The following MYPN variants were observed in gnomAD, a reference collection of about 807,000 sequenced individuals.
MYPN encodes myopalladin.
In MYPN, 63 loss-of-function variants were observed where a neutral mutation model predicts 129.4. That is an observed-to-expected ratio of 0.49 (90% confidence interval 0.40 to 0.60). The LOEUF (loss-of-function observed/expected upper bound fraction) is 0.60, where lower values mean the gene tolerates loss of function less well. Among genes scored for constraint, MYPN ranks in the 20% least tolerant of loss-of-function variants. MYPN has a pLI of 0.00. For synonymous variants in MYPN, 629 were observed against 600.9 expected (o/e 1.05, Z -0.68); for missense variants, 1,596 against 1,635.4 (o/e 0.98, Z 0.42).
At chr10:68,116,550 A>G (rs2042159814) in intron 1 of MYPN, among the ~76,000 whole-genome samples, 1 of 152,220 alleles carries the variant, frequency 6.6e-6, no homozygotes, top group African/African-American at 2.4e-5. Context: ...AGCCTGGTCA[A>G]CATGGTGAAA....
chr10:68,168,154 G>C (rs2043083010), intron 10 of MYPN, among the ~76,000 whole-genome samples: 1 of 152,128 alleles, frequency 6.6e-6, no homozygotes, highest in Non-Finnish European at 1.5e-5. Context: ...TCTGTGTCAA[G>C]TACCACTGTT....
intron 13 of MYPN, 68 bp from the exon 14 acceptor site, chr10:68,194,295 C>T (rs983778162): frequency 2.5e-6 from 4 of 1,571,004 alleles, no homozygotes; most frequent in African/African-American, 2.7e-5. Flanking sequence ...TTCCTCACCC[C>T]AGACCCTAGT....
chr10:68,157,222 G>A (rs184166836), intron 6 of MYPN, among the ~76,000 whole-genome samples: 15 of 152,328 alleles, frequency 9.8e-5, no homozygotes, highest in Middle Eastern at 3.4e-3. Context: ...TTGACTGTAT[G>A]TGTGACTAAG....
chr10:68,210,855 T>C lies in MYPN; in HGVS notation c.*400T>C, dbSNP rs1208951279. The C allele has an allele frequency of 2.2e-6, 1 of 457,518 alleles. No homozygotes were observed. The highest frequency in any genetic ancestry group is 6.9e-5 in the East Asian group (1 of 14,532). The allele number at this position is 457,518 out of a possible 1,614,324, so 28.3% of individuals were successfully genotyped here. ...GTAGTGACCTTAGGATATGACTAACTCACCAAACAATGCCAAGGAGAAAGG... is the reference window on the plus strand; with the variant it reads ...GTAGTGACCTTAGGATATGACTAACCCACCAAACAATGCCAAGGAGAAAGG... On this transcript the variant is annotated 3_prime_UTR_variant, in exon 20 of 20. Coordinates refer to ENST00000358913, the MANE Select transcript of MYPN (RefSeq NM_032578.4).
intron 13 of MYPN, 119 bp downstream of exon 13, chr10:68,189,245 A>G (rs2043472262): frequency 1.3e-6 from 1 of 749,620 alleles, no homozygotes; most frequent in South Asian, 1.5e-5. Context: ...TTTGTTATTG[A>G]TATAGTTGTA....
rs7080619 is a variant in MYPN at position 68,150,246 on chromosome 10, T to A, written c.1317+135T>A. On this transcript the variant is annotated intron_variant, in intron 6 of 19. Coordinates refer to ENST00000358913, the MANE Select transcript of MYPN (RefSeq NM_032578.4). ...GTACGGTATAGGGTTTGGGTTGTTT[T>A]GTTAGTTACTACAGTATCGCTTCAA... 9,154 of 747,328 alleles carry A rather than the reference T, an allele frequency of 0.012. 554 individuals carry two copies. In the African/African-American group the frequency reaches 0.14, roughly 11 times the overall value. The allele number at this position is 747,328 out of a possible 1,614,324, so 46.3% of individuals were successfully genotyped here. A position where few individuals can be genotyped will look rare whatever the true frequency, so the allele number is the denominator to read the frequency against.
chr10:68,115,649 A>G (rs558406001), intron 1 of MYPN, among the ~76,000 whole-genome samples: 1 of 152,286 alleles, frequency 6.6e-6, no homozygotes, highest in East Asian at 1.9e-4. Flanking sequence ...AGCAGCCATG[A>G]TGGAACTTTT....
intron 18 of MYPN, among the ~76,000 whole-genome samples, chr10:68,204,238 C>G (rs189231252): frequency 5.1e-4 from 78 of 152,322 alleles, no homozygotes; most frequent in Non-Finnish European, 9.0e-4. Context: ...CCTGACTCTT[C>G]ACAACACCCA....
chr10:68,192,667 TTC>T (rs2043534369), intron 13 of MYPN, among the ~76,000 whole-genome samples: 1 of 152,046 alleles, frequency 6.6e-6, no homozygotes, highest in Non-Finnish European at 1.5e-5. Flanking sequence ...GGGAGACTTT[TTC>T]GTTACTGCTT....
intron 2 of MYPN, among the ~76,000 whole-genome samples, chr10:68,130,727 C>A (rs1047986933): frequency 1.4e-4 from 21 of 151,988 alleles, no homozygotes; most frequent in African/African-American, 5.1e-4. Context: ...TAAAGATATT[C>A]TTGTATTTTG....
intron 15 of MYPN, 37 bp downstream of exon 15, chr10:68,195,569 C>A: frequency 6.5e-7 from 1 of 1,530,058 alleles, no homozygotes; most frequent in Non-Finnish European, 9.1e-7. Context: ...CTAGGCCCTT[C>A]CCAAGCACCT....
At chr10:68,130,327 GC>G (rs2042390489) in intron 2 of MYPN, among the ~76,000 whole-genome samples, 1 of 152,028 alleles carries the variant, frequency 6.6e-6, no homozygotes. Flanking sequence ...AGGCGTGGTG[GC>G]GGGCACCTGT....
At chr10:68,183,109 A>G (rs2043364383) in intron 12 of MYPN, among the ~76,000 whole-genome samples, 1 of 152,202 alleles carries the variant, frequency 6.6e-6, no homozygotes, top group Non-Finnish European at 1.5e-5. Context: ...AAAGCTATAT[A>G]TAACCCATTG....
intron 10 of MYPN, among the ~76,000 whole-genome samples, chr10:68,172,302 C>A (rs1244905589): frequency 6.6e-6 from 1 of 152,072 alleles, no homozygotes; most frequent in Admixed American, 6.6e-5. Context: ...CTACAGTGAG[C>A]CGTGATTGTG....
intron 12 of MYPN, among the ~76,000 whole-genome samples, chr10:68,183,702 A>T (rs2043376145): frequency 6.6e-6 from 1 of 152,184 alleles, no homozygotes; most frequent in African/African-American, 2.4e-5. Flanking sequence ...ATAAGAAGCC[A>T]TAGAAGGTTA....
intron 6 of MYPN, among the ~76,000 whole-genome samples, chr10:68,156,619 A>G (rs1186145311): frequency 6.6e-6 from 1 of 152,194 alleles, no homozygotes; most frequent in East Asian, 1.9e-4. Context: ...AAAGTCTCTT[A>G]CACAGCTAAT....
At chr10:68,194,569 A>C in intron 14 of MYPN, 57 bp downstream of exon 14, 39 of 1,579,894 alleles carry the variant, frequency 2.5e-5, no homozygotes, top group Non-Finnish European at 3.1e-5. Flanking sequence ...GGTTGATGTC[A>C]TTGTGAATGA....
chr10:68,127,833 T>G (rs995822948), intron 2 of MYPN, among the ~76,000 whole-genome samples: 3 of 152,162 alleles, frequency 2.0e-5, no homozygotes, highest in Non-Finnish European at 4.4e-5. Flanking sequence ...ACATTTTGGT[T>G]TGCTAAATAG....
At chr10:68,155,545 T>C (rs1369854110) in intron 6 of MYPN, among the ~76,000 whole-genome samples, 3 of 152,224 alleles carry the variant, frequency 2.0e-5, no homozygotes, top group African/African-American at 7.2e-5. Flanking sequence ...GTTTGGTCTG[T>C]CTCATTTGTT....
Sources: gnomAD v4.1 joint callset for allele counts (sites outside exome capture counted in the v4.1 genomes callset) on GRCh38, gnomAD v4.1.1 for gene constraint, MANE v1.5 for transcripts, NCBI Gene and HGNC (gene_info 2026-07-23, HGNC 2026-07-21) for gene names.